KCNJ12: variants seen among roughly 807,000 people sequenced by gnomAD.
KCNJ12 encodes potassium inwardly rectifying channel subfamily J member 12.
In KCNJ12, 2 loss-of-function variants were observed where a neutral mutation model predicts 22.3. The ratio of observed to expected loss-of-function variants is 0.09; its 90% confidence interval spans 0.04 to 0.28. The LOEUF (loss-of-function observed/expected upper bound fraction) is 0.28. KCNJ12 is among the 10% of genes least tolerant of loss of function. The pLI is 1.00. For synonymous variants in KCNJ12, 117 were observed against 261.4 expected, an observed-to-expected ratio of 0.45 and a Z score of 5.33; for missense variants, 155 against 633.3, an observed-to-expected ratio of 0.24 and a Z score of 8.11.
At chr17:21,396,126 G>T (rs1905354271) in intron 1 of KCNJ12, among the ~76,000 whole-genome samples, 2 of 152,180 alleles carry the variant, frequency 1.3e-5, no homozygotes, top group Admixed American at 6.5e-5. Context: ...TCATTCCAAG[G>T]TGCCAGCTGC....
At chr17:21,393,147 G>A (rs111982701) in intron 1 of KCNJ12, among the ~76,000 whole-genome samples, 9 of 152,120 alleles carry the variant, frequency 5.9e-5, no homozygotes, top group African/African-American at 1.9e-4. Flanking sequence ...TGGAAAGGAC[G>A]TTTGTCAGAA....
At chr17:21,377,875 A>G (rs983606184) in intron 1 of KCNJ12, among the ~76,000 whole-genome samples, 22 of 151,976 alleles carry the variant, frequency 1.4e-4, no homozygotes, top group Admixed American at 3.9e-4. Flanking sequence ...CCCCCTCCCC[A>G]TTTCCCAGGG....
At chr17:21,378,694 G>T (rs1327924580) in intron 1 of KCNJ12, among the ~76,000 whole-genome samples, 1 of 152,086 alleles carries the variant, frequency 6.6e-6, no homozygotes, top group East Asian at 1.9e-4. Flanking sequence ...GCAGGTAGGG[G>T]CTCCAAGTCC....
chr17:21,379,983 C>T (rs543530559), intron 1 of KCNJ12, among the ~76,000 whole-genome samples: 1 of 152,144 alleles, frequency 6.6e-6, no homozygotes, highest in Non-Finnish European at 1.5e-5. Context: ...CAGGGAGGCA[C>T]TGGAGGCACC....
At chr17:21,383,192 C>A (rs1555558229) in intron 1 of KCNJ12, among the ~76,000 whole-genome samples, 1 of 152,128 alleles carries the variant, frequency 6.6e-6, no homozygotes, top group Non-Finnish European at 1.5e-5. Flanking sequence ...TGTGCCCTTG[C>A]CCCTGCCCGC....
intron 1 of KCNJ12, among the ~76,000 whole-genome samples, chr17:21,406,951 C>G (rs1345419815): frequency 6.6e-6 from 1 of 152,298 alleles, no homozygotes; most frequent in Non-Finnish European, 1.5e-5. Flanking sequence ...GATAGGAAGG[C>G]AGGGGGATCC....
At chr17:21,386,016 G>C (rs1230709411) in intron 1 of KCNJ12, among the ~76,000 whole-genome samples, 1 of 152,242 alleles carries the variant, frequency 6.6e-6, no homozygotes, top group East Asian at 1.9e-4. Flanking sequence ...CACCAACCAG[G>C]TCCAGTAAAG....
intron 2 of KCNJ12, among the ~76,000 whole-genome samples, chr17:21,410,502 A>C (rs1906260731): frequency 6.6e-6 from 1 of 152,252 alleles, no homozygotes; most frequent in Non-Finnish European, 1.5e-5. Context: ...GCATTGAGTG[A>C]TCTCTGAGGG....
chr17:21,407,735 C>T (rs868951949), intron 1 of KCNJ12, among the ~76,000 whole-genome samples: 25 of 151,990 alleles, frequency 1.6e-4, no homozygotes, highest in Middle Eastern at 6.8e-3. Context: ...ATCTATCCAA[C>T]CATCCATCCA....
At chr17:21,395,367 G>A (rs1905320310) in intron 1 of KCNJ12, among the ~76,000 whole-genome samples, 1 of 150,634 alleles carries the variant, frequency 6.6e-6, no homozygotes, top group South Asian at 2.1e-4. Context: ...GGCCAAAGCA[G>A]GTGGATCACT....
At chr17:21,383,941 G>A (rs190374597) in intron 1 of KCNJ12, among the ~76,000 whole-genome samples, 7 of 152,234 alleles carry the variant, frequency 4.6e-5, no homozygotes, top group African/African-American at 7.2e-5. Context: ...AGAGTGTTAT[G>A]TGCTCACAGT....
At chr17:21,381,668 C>T (rs1555557945) in intron 1 of KCNJ12, among the ~76,000 whole-genome samples, 1 of 152,222 alleles carries the variant, frequency 6.6e-6, no homozygotes, top group East Asian at 1.9e-4. Context: ...CCTGATTCCC[C>T]TGTGGGACAC....
rs151111958 is a variant in KCNJ12, at chr17:21,384,165, C to T, written c.-179+7252C>T. ...TAAATTCGTATGGGACCATTGCATA[C>T]ATGTCATGGCGTCCCCTGCACTATG... On this transcript the variant is annotated intron_variant, in intron 1 of 2. Coordinates refer to ENST00000583088, the MANE Select transcript of KCNJ12 (RefSeq NM_021012.5). 3.3e-3 allele frequency among the ~76,000 whole-genome samples: 504 copies of T among 152,186 alleles called. 4 individuals are homozygous for T. The highest frequency in any genetic ancestry group is 0.012 in the African/African-American group (486 of 41,502).
intron 1 of KCNJ12, among the ~76,000 whole-genome samples, chr17:21,401,192 C>T (rs1670289837): frequency 6.6e-6 from 1 of 152,242 alleles, no homozygotes; most frequent in African/African-American, 2.4e-5. Flanking sequence ...TTGGGCAGCC[C>T]TCCTGGGGGT....
In KCNJ12 at chr17:21,418,643, C is replaced by T. The variant is rs4360986; in HGVS notation, c.*1999C>T. The T allele has an allele frequency of 0.26, 43,558 of 167,130 alleles. 6,797 individuals are homozygous for T. Among genetic ancestry groups the T allele is most frequent in the South Asian group, 0.41 (1,988 of 4,808 alleles). The allele number at this position is 167,130 out of a possible 1,614,324, so 10.4% of individuals were successfully genotyped here. On this transcript the variant is annotated 3_prime_UTR_variant, in exon 3 of 3. Coordinates refer to ENST00000583088, the MANE Select transcript of KCNJ12 (RefSeq NM_021012.5). Reference sequence around the variant, plus strand: ...CACTCATTTCTGGCATAGAAGATTCCGCCGAGGCAGCTCTTTCCTCTCGGG... The same window carrying T: ...CACTCATTTCTGGCATAGAAGATTCTGCCGAGGCAGCTCTTTCCTCTCGGG...
chr17:21,400,671 C>T (rs1388920446), intron 1 of KCNJ12, among the ~76,000 whole-genome samples: 1 of 152,310 alleles, frequency 6.6e-6, no homozygotes, highest in Non-Finnish European at 1.5e-5. Context: ...GTGCTCAGCC[C>T]TTCTCCCTCT....
intron 1 of KCNJ12, among the ~76,000 whole-genome samples, chr17:21,394,010 A>G (rs2142056348): frequency 6.6e-6 from 1 of 152,320 alleles, no homozygotes; most frequent in Non-Finnish European, 1.5e-5. Context: ...GGTTGGAGTA[A>G]TAAGGGGTTT....
In KCNJ12 at chr17:21,416,095, C is replaced by G; in HGVS notation, c.753C>G (p.Ile251Met). Residue 251 changes from isoleucine (I) to methionine (M), a missense_variant, in exon 3 of 3, where the codon ATC (isoleucine) becomes ATG (methionine). By Grantham distance (10) the Ile-to-Met change is conservative. Transcript: ENST00000583088. ...ACATCCCGCTGGACCAGATCGACAT[C>G]GATGTGGGCTTCGACAAGGGCCTGG... is the stretch of plus-strand genomic sequence containing the variant. ...GEYIPLDQIDIDVGFDKGLDR... is the reference protein window; with the variant it reads ...GEYIPLDQIDMDVGFDKGLDR... 1 of 1,490,294 alleles carries G rather than the reference C, an allele frequency of 6.7e-7. No individual in the cohort carries two copies. 92.3% of individuals were successfully genotyped at this position (1,490,294 alleles called of 1,614,324 possible). A position where few individuals can be genotyped will look rare whatever the true frequency, so the allele number is the denominator to read the frequency against.
At chr17:21,380,134 C>T (rs938215894) in intron 1 of KCNJ12, among the ~76,000 whole-genome samples, 3 of 152,182 alleles carry the variant, frequency 2.0e-5, no homozygotes, top group African/African-American at 7.2e-5. Context: ...GCAGGTCCCA[C>T]ACAGGGCCTG....
Sources: allele counts gnomAD v4.1 joint callset (sites outside exome capture counted in the v4.1 genomes callset), GRCh38; gene constraint gnomAD v4.1.1; transcripts MANE v1.5; gene names NCBI Gene and HGNC (gene_info 2026-07-23, HGNC 2026-07-21).